EFCAB11: variants seen among roughly 807,000 people sequenced by gnomAD.
EFCAB11 encodes EF-hand calcium binding domain 11, also known as EF-hand calcium-binding domain-containing protein 11.
EFCAB11 carries 14 observed loss-of-function variants against 23.0 expected under a neutral mutation model. That is an observed-to-expected ratio of 0.61 (90% CI 0.40 to 0.95). The LOEUF (loss-of-function observed/expected upper bound fraction) is 0.95, where lower values mean the gene tolerates loss of function less well. Ranked by LOEUF, EFCAB11 falls within the 40% of genes least tolerant of loss-of-function variation. EFCAB11 has a pLI of 0.00. For missense variants in EFCAB11, 198 were observed against 195.8 expected, an observed-to-expected ratio of 1.01 and a Z score of -0.07; for synonymous variants, 65 against 66.6, an observed-to-expected ratio of 0.98 and a Z score of 0.11.
rs985877733 is a variant in EFCAB11, at chr14:89,796,943, A to C, written c.*300T>G. On this transcript the variant is annotated 3_prime_UTR_variant, in exon 6 of 6. Coordinates refer to ENST00000316738, the MANE Select transcript of EFCAB11 (RefSeq NM_145231.4). ...CCTGACTCAGGGCTGCTGGCCACAC[A>C]GAAGGAGACCCCCGGCAGCAACCAT... 4.9e-6 allele frequency: 1 copy of C among 205,900 alleles called. No homozygotes were observed. Among genetic ancestry groups the C allele is most frequent in the Non-Finnish European group, 1.0e-5 (1 of 99,636 alleles). 12.8% of individuals were successfully genotyped at this position (205,900 alleles called of 1,614,324 possible).
rs562200853 is a variant in EFCAB11, at chr14:89,894,418, TC to T, written c.410+37122del. Among the ~76,000 whole-genome samples, 70 of 149,286 alleles carry T rather than the reference TC, an allele frequency of 4.7e-4. No individual in the cohort carries two copies. In the South Asian group the frequency reaches 0.013, roughly 28 times the overall value. ...TGTCCTAATGCTCTGCCTCCAGTTG[TC>T]CCCCCCACCTCCGCCCCCGACAGGC... On this transcript the variant is annotated intron_variant, in intron 5 of 5. Transcript: ENST00000316738.
intron 5 of EFCAB11, among the ~76,000 whole-genome samples, chr14:89,898,802 G>T (rs186094805): frequency 1.2e-4 from 18 of 151,054 alleles, no homozygotes; most frequent in African/African-American, 3.9e-4. Context: ...CTCCTGAGTA[G>T]CTGGGACTAC....
intron 5 of EFCAB11, among the ~76,000 whole-genome samples, chr14:89,879,014 A>T (rs1446241554): frequency 6.6e-6 from 1 of 151,994 alleles, no homozygotes; most frequent in Non-Finnish European, 1.5e-5. Flanking sequence ...AATTAACCCA[A>T]AATGTACTTT....
chr14:89,859,826 G>A (rs749929837), intron 5 of EFCAB11, among the ~76,000 whole-genome samples: 4 of 152,188 alleles, frequency 2.6e-5, no homozygotes, highest in Admixed American at 6.5e-5. Context: ...TGCAAATGTG[G>A]AGTCATACCA....
At chr14:89,881,558 C>T (rs927575106) in intron 5 of EFCAB11, among the ~76,000 whole-genome samples, 1 of 148,492 alleles carries the variant, frequency 6.7e-6, no homozygotes, top group Non-Finnish European at 1.5e-5. Flanking sequence ...AGTGATTCTC[C>T]TGCCTCAGCC....
intron 4 of EFCAB11, among the ~76,000 whole-genome samples, chr14:89,931,842 G>GTATATAT: frequency 6.6e-6 from 1 of 152,186 alleles, no homozygotes; most frequent in South Asian, 2.1e-4. Context: ...AGTCCCGGCT[G>GTATATAT]ATCTTGAAGG....
At chr14:89,940,823 G>C (rs971272502) in intron 3 of EFCAB11, among the ~76,000 whole-genome samples, 2 of 152,066 alleles carry the variant, frequency 1.3e-5, no homozygotes, top group Non-Finnish European at 2.9e-5. Context: ...AAATGTATGA[G>C]GATTCAGTGG....
chr14:89,835,697 G>A (rs1302504745), intron 5 of EFCAB11, among the ~76,000 whole-genome samples: 1 of 146,958 alleles, frequency 6.8e-6, no homozygotes, highest in African/African-American at 2.5e-5. Context: ...GAGTGATCTC[G>A]GTTCACTGCA....
At chr14:89,918,531 T>A in intron 5 of EFCAB11, among the ~76,000 whole-genome samples, 1 of 143,004 alleles carries the variant, frequency 7.0e-6, no homozygotes, top group Non-Finnish European at 1.5e-5. Context: ...AGAGCGAGAC[T>A]CCATCTCAAA....
At chr14:89,810,107 A>G (rs1886102417) in intron 5 of EFCAB11, among the ~76,000 whole-genome samples, 1 of 152,174 alleles carries the variant, frequency 6.6e-6, no homozygotes, top group Non-Finnish European at 1.5e-5. Context: ...TCACCTGCCT[A>G]TGAACTTGCA....
intron 5 of EFCAB11, among the ~76,000 whole-genome samples, chr14:89,899,781 C>T (rs1213968665): frequency 6.6e-6 from 1 of 152,190 alleles, no homozygotes; most frequent in African/African-American, 2.4e-5. Context: ...GATGCCATTT[C>T]ACACCCATCA....
chr14:89,862,745 C>T (rs926864758), intron 5 of EFCAB11, among the ~76,000 whole-genome samples: 1 of 152,130 alleles, frequency 6.6e-6, no homozygotes, highest in African/African-American at 2.4e-5. Flanking sequence ...GTTAATGTAT[C>T]ATAGATAACA....
At chr14:89,847,741 C>CAAA (rs561016492) in intron 5 of EFCAB11, among the ~76,000 whole-genome samples, 42 of 91,010 alleles carry the variant, frequency 4.6e-4, no homozygotes, top group African/African-American at 8.6e-4. Flanking sequence ...CTCTGTCTCA[C>CAAA]AAAAAAAAAA....
Position 89,898,305 on chromosome 14 carries a change from T to C in EFCAB11, c.410+33236A>G, listed in dbSNP as rs142840529. ...ATCTATGCATGACCCTACAAGAAAC[T>C]GTTCTTATGAAGAATTAGCAAAATC... On this transcript the variant is annotated intron_variant, in intron 5 of 5. Transcript: ENST00000316738. 1.2e-4 allele frequency among the ~76,000 whole-genome samples: 18 copies of C among 152,300 alleles called. No individual in the cohort carries two copies. In the East Asian group the frequency reaches 3.5e-3, roughly 29 times the overall value.
chr14:89,863,257 A>G (rs1887984592), intron 5 of EFCAB11, among the ~76,000 whole-genome samples: 1 of 152,258 alleles, frequency 6.6e-6, no homozygotes, highest in Non-Finnish European at 1.5e-5. Flanking sequence ...AACTCTGCCA[A>G]CTTGATGATA....
chr14:89,863,362 C>T (rs1887988387), intron 5 of EFCAB11, among the ~76,000 whole-genome samples: 1 of 152,190 alleles, frequency 6.6e-6, no homozygotes, highest in African/African-American at 2.4e-5. Flanking sequence ...CAGCATACTC[C>T]ATAATTTTAA....
intron 5 of EFCAB11, among the ~76,000 whole-genome samples, chr14:89,807,918 A>G (rs1886023172): frequency 6.6e-6 from 1 of 152,228 alleles, no homozygotes. Flanking sequence ...TCAGGAATCA[A>G]TAAGAATAAT....
chr14:89,897,665 A>G (rs971328516), intron 5 of EFCAB11, among the ~76,000 whole-genome samples: 1 of 152,200 alleles, frequency 6.6e-6, no homozygotes, highest in Non-Finnish European at 1.5e-5. Context: ...TTTTATTGTT[A>G]AACACACTAA....
At chr14:89,801,759 C>T (rs540667248) in intron 5 of EFCAB11, among the ~76,000 whole-genome samples, 117 of 152,184 alleles carry the variant, frequency 7.7e-4, no homozygotes, top group African/African-American at 2.6e-3. Flanking sequence ...TTTGGGAGGC[C>T]GCGGCAGGTG....
Sources: allele counts gnomAD v4.1 joint callset (sites outside exome capture counted in the v4.1 genomes callset), GRCh38; gene constraint gnomAD v4.1.1; transcripts MANE v1.5; gene names NCBI Gene and HGNC (gene_info 2026-07-23, HGNC 2026-07-21).